ENTREP2: variants seen among roughly 807,000 people sequenced by gnomAD.
The protein encoded by ENTREP2 is protein ENTREP2.
At chr15:29,288,334 C>A in the ENTREP2 span, among the ~76,000 whole-genome samples, 3 of 152,132 alleles carry the variant, frequency 2.0e-5, no homozygotes, top group Non-Finnish European at 4.4e-5. Context: ...CCACGTATGT[C>A]ACAGTGGTCT....
the ENTREP2 span, among the ~76,000 whole-genome samples, chr15:29,442,290 C>T: frequency 1.1e-4 from 17 of 152,228 alleles, no homozygotes; most frequent in Middle Eastern, 6.8e-3. Flanking sequence ...ACCACCCCAT[C>T]GCCATCTGGG....
chr15:29,213,985 T>C, the ENTREP2 span, among the ~76,000 whole-genome samples: 1 of 152,066 alleles, frequency 6.6e-6, no homozygotes, highest in South Asian at 2.1e-4. Flanking sequence ...AAAACCACAA[T>C]GAGATACCAT....
chr15:29,181,983 G>T, the ENTREP2 span, among the ~76,000 whole-genome samples: 1 of 151,914 alleles, frequency 6.6e-6, no homozygotes, highest in Non-Finnish European at 1.5e-5. Context: ...AGGAAGATGG[G>T]AAAAATTAAG....
the ENTREP2 span, among the ~76,000 whole-genome samples, chr15:29,646,478 G>T: frequency 6.6e-6 from 1 of 152,156 alleles, no homozygotes; most frequent in Non-Finnish European, 1.5e-5. Flanking sequence ...GAGGCCCTCT[G>T]TGTCTTCAAA....
chr15:29,500,559 T>C, the ENTREP2 span, among the ~76,000 whole-genome samples: 70,891 of 151,802 alleles, frequency 0.47, 17,802 homozygotes, highest in African/African-American at 0.67. Context: ...TAAAATACAA[T>C]ATACTAAAGC....
At chr15:29,477,673 C>T in the ENTREP2 span, among the ~76,000 whole-genome samples, 1 of 152,140 alleles carries the variant, frequency 6.6e-6, no homozygotes, top group Non-Finnish European at 1.5e-5. Context: ...AGAGGGGACC[C>T]TGTCCATCTC....
the ENTREP2 span, chr15:29,234,514 G>A: frequency 2.5e-5 from 35 of 1,402,944 alleles, no homozygotes; most frequent in African/African-American, 4.3e-5. Flanking sequence ...AACAACCAAC[G>A]GCAAGGTAAT....
the ENTREP2 span, among the ~76,000 whole-genome samples, chr15:29,619,078 G>A: frequency 6.6e-6 from 1 of 152,160 alleles, no homozygotes; most frequent in African/African-American, 2.4e-5. Flanking sequence ...TACTCTTTGT[G>A]TGTCAGGCAT....
At chr15:29,235,239 A>T in the ENTREP2 span, 4 of 529,988 alleles carry the variant, frequency 7.5e-6, no homozygotes, top group Middle Eastern at 5.2e-4. Context: ...TAGAACATTT[A>T]AAAAAATAAG....
the ENTREP2 span, chr15:29,123,416 T>C: frequency 1.9e-5 from 30 of 1,551,280 alleles, no homozygotes; most frequent in South Asian, 1.4e-4. Flanking sequence ...GCCAAGCGCA[T>C]GGCACCCACC....
At chr15:29,137,236 G>C in the ENTREP2 span, 3 of 1,441,056 alleles carry the variant, frequency 2.1e-6, no homozygotes, top group Non-Finnish European at 2.7e-6. Flanking sequence ...GGGACATCTT[G>C]TGTGGCTTGT....
the ENTREP2 span, among the ~76,000 whole-genome samples, chr15:29,558,249 C>A: frequency 6.6e-6 from 1 of 152,214 alleles, no homozygotes; most frequent in African/African-American, 2.4e-5. Flanking sequence ...GTGAACACTG[C>A]CCACGCTGCC....
the ENTREP2 span, among the ~76,000 whole-genome samples, chr15:29,130,806 C>T: frequency 1.3e-5 from 2 of 152,188 alleles, no homozygotes; most frequent in Admixed American, 6.5e-5. Context: ...GGGAAAATAG[C>T]ACTTCCTTTC....
chr15:29,304,973 A>G, the ENTREP2 span, among the ~76,000 whole-genome samples: 2 of 152,088 alleles, frequency 1.3e-5, no homozygotes, highest in East Asian at 3.9e-4. Context: ...TTCTGCCCCC[A>G]TCACTCCCTC....
the ENTREP2 span, chr15:29,128,920 C>A: frequency 2.4e-6 from 3 of 1,263,000 alleles, no homozygotes; most frequent in South Asian, 1.4e-5. Flanking sequence ...CGCAGCACAG[C>A]AGCCTCCAGT....
the ENTREP2 span, among the ~76,000 whole-genome samples, chr15:29,125,070 T>C: frequency 0.78 from 119,333 of 152,164 alleles, 47,122 homozygotes; most frequent in Middle Eastern, 0.89. Context: ...CTGGAAGGCA[T>C]GTGCCTGCGG....
chr15:29,646,680 A>C, the ENTREP2 span, among the ~76,000 whole-genome samples: 1 of 152,218 alleles, frequency 6.6e-6, no homozygotes, highest in Non-Finnish European at 1.5e-5. Context: ...TGGGAACTTA[A>C]TTATAACTGC....
the ENTREP2 span, among the ~76,000 whole-genome samples, chr15:29,511,229 C>T: frequency 6.6e-6 from 1 of 152,288 alleles, no homozygotes; most frequent in South Asian, 2.1e-4. Context: ...GACATGCTCC[C>T]ATGTGTTAAG....
the ENTREP2 span, among the ~76,000 whole-genome samples, chr15:29,359,197 T>G: frequency 6.6e-6 from 1 of 152,300 alleles, no homozygotes; most frequent in Admixed American, 6.5e-5. Context: ...CTGCAAAAGC[T>G]AACAGTAGCT....
Sources: allele counts gnomAD v4.1 joint callset (sites outside exome capture counted in the v4.1 genomes callset), GRCh38; gene constraint gnomAD v4.1.1; transcripts MANE v1.5; gene names NCBI Gene and HGNC (gene_info 2026-07-23, HGNC 2026-07-21).